The following TENM1 variants were observed in gnomAD, a reference collection of about 807,000 sequenced individuals.
The protein encoded by TENM1 is teneurin transmembrane protein 1.
TENM1 carries 35 observed loss-of-function variants against 174.8 expected under a neutral mutation model. The observed-to-expected ratio is 0.20, with a 90% CI of 0.15 to 0.27. The LOEUF (loss-of-function observed/expected upper bound fraction) is 0.27, where lower values mean the gene tolerates loss of function less well. TENM1 is among the 10% of genes least tolerant of loss of function. The pLI is 1.00. For synonymous variants in TENM1, 781 were observed against 798.7 expected, an observed-to-expected ratio of 0.98 and a Z score of 0.37; for missense variants, 1,633 against 2,130.1, an observed-to-expected ratio of 0.77 and a Z score of 4.59.
chrX:125,056,093 T>C, the TENM1 span, among the ~76,000 whole-genome samples: 1 of 110,694 alleles, frequency 9.0e-6, no homozygotes, highest in Non-Finnish European at 1.9e-5. Flanking sequence ...TTTGCGTATG[T>C]TGCAGAATGA....
the TENM1 span, among the ~76,000 whole-genome samples, chrX:125,192,000 C>A: frequency 9.1e-6 from 1 of 109,971 alleles, no homozygotes; most frequent in Non-Finnish European, 1.9e-5. Flanking sequence ...GTACTTCCCT[C>A]TGGAGGACAC....
intron 5 of TENM1, among the ~76,000 whole-genome samples, chrX:124,697,748 G>T (rs1467227145): frequency 9.0e-6 from 1 of 110,533 alleles, no homozygotes; most frequent in Non-Finnish European, 1.9e-5. Context: ...ATAGTATTTT[G>T]CAAAACCCAA....
At chrX:124,471,151 ATAT>A (rs1477833421) in intron 22 of TENM1, among the ~76,000 whole-genome samples, 1 of 82,259 alleles carries the variant, frequency 1.2e-5, no homozygotes, top group Non-Finnish European at 2.2e-5. Flanking sequence ...TATATAATAT[ATAT>A]TATGTCATAT....
chrX:124,774,298 A>C (rs1269601499), intron 3 of TENM1, among the ~76,000 whole-genome samples: 1 of 112,089 alleles, frequency 8.9e-6, no homozygotes, highest in Admixed American at 9.5e-5. Flanking sequence ...CAAATCAAGC[A>C]AGAATTCATG....
chrX:125,014,175 G>A, the TENM1 span, among the ~76,000 whole-genome samples: 18 of 112,362 alleles, frequency 1.6e-4, no homozygotes, highest in Non-Finnish European at 2.6e-4. Context: ...CCTCAATAGT[G>A]TAACGAGGCA....
the TENM1 span, among the ~76,000 whole-genome samples, chrX:125,037,158 A>G: frequency 9.0e-6 from 1 of 110,814 alleles, no homozygotes; most frequent in Non-Finnish European, 1.9e-5. Flanking sequence ...GTGAACACCT[A>G]CTATGTTAAA....
At chrX:125,012,009 A>C in the TENM1 span, among the ~76,000 whole-genome samples, 1 of 112,012 alleles carries the variant, frequency 8.9e-6, no homozygotes, top group African/African-American at 3.2e-5. Flanking sequence ...CAGCCAATAA[A>C]AAGAATGAGA....
chrX:124,487,339 C>A (rs749317403), intron 20 of TENM1, 110 bp from the exon 24 acceptor site: 20 of 709,325 alleles, frequency 2.8e-5, no homozygotes, highest in Non-Finnish European at 3.8e-5. Flanking sequence ...ACTCAGATTG[C>A]GGCATTTAGA....
intron 15 of TENM1, among the ~76,000 whole-genome samples, chrX:124,543,339 C>T (rs1172103904): frequency 8.9e-6 from 1 of 112,435 alleles, no homozygotes. Flanking sequence ...CTGATATGGA[C>T]ATCTGACACG....
intron 5 of TENM1, among the ~76,000 whole-genome samples, chrX:124,675,629 A>G (rs2052051954): frequency 9.4e-6 from 1 of 106,344 alleles, no homozygotes; most frequent in Admixed American, 1.0e-4. Context: ...CTGAGTTTAC[A>G]GCAGCAAAAA....
chrX:124,821,965 GATA>G (rs1262930300), intron 3 of TENM1, among the ~76,000 whole-genome samples: 1 of 111,693 alleles, frequency 9.0e-6, no homozygotes, highest in Non-Finnish European at 1.9e-5. Flanking sequence ...GTTCAAGAAT[GATA>G]ATAATAATAG....
At chrX:124,836,932 C>G (rs1412388534) in intron 3 of TENM1, among the ~76,000 whole-genome samples, 3 of 111,662 alleles carry the variant, frequency 2.7e-5, no homozygotes, top group Non-Finnish European at 5.6e-5. Context: ...GATTTGGACT[C>G]TTACACTACC....
At chrX:124,460,128 T>C (rs977453078) in intron 22 of TENM1, among the ~76,000 whole-genome samples, 2 of 111,939 alleles carry the variant, frequency 1.8e-5, no homozygotes, top group African/African-American at 6.5e-5. Context: ...ACACTGTTGG[T>C]AGGAGTGTAA....
the TENM1 span, among the ~76,000 whole-genome samples, chrX:125,182,178 C>G: frequency 9.1e-6 from 1 of 109,593 alleles, no homozygotes; most frequent in East Asian, 2.9e-4. Context: ...GGCTCATGGC[C>G]CCTTCCTCCA....
At chrX:125,004,221 G>A in the TENM1 span, among the ~76,000 whole-genome samples, 4 of 111,591 alleles carry the variant, frequency 3.6e-5, no homozygotes, top group African/African-American at 6.5e-5. Context: ...AACCCACTCC[G>A]AGCATTTCTG....
chrX:124,811,767 G>A (rs1161677722), intron 3 of TENM1, among the ~76,000 whole-genome samples: 1 of 111,302 alleles, frequency 9.0e-6, no homozygotes, highest in African/African-American at 3.3e-5. Context: ...ATCAACCTAA[G>A]CGTACACTAA....
At chrX:125,001,925 TCACACACACACACACACAC>T in the TENM1 span, among the ~76,000 whole-genome samples, 3 of 67,255 alleles carry the variant, frequency 4.5e-5, no homozygotes, top group South Asian at 2.0e-3. Context: ...TCTAGAGAGA[TCACACACACACACACACAC>T]ACACACACAC....
intron 11 of TENM1, among the ~76,000 whole-genome samples, chrX:124,597,728 A>G (rs1248411765): frequency 2.7e-5 from 3 of 111,599 alleles, no homozygotes; most frequent in Non-Finnish European, 5.7e-5. Context: ...CAAAGATCAA[A>G]TCAAAATGGA....
the TENM1 span, among the ~76,000 whole-genome samples, chrX:125,099,363 C>T: frequency 3.0e-4 from 34 of 112,295 alleles, no homozygotes; most frequent in South Asian, 3.7e-3. Context: ...GCACAGATTC[C>T]GTGGCAATTA....
Sources: gnomAD v4.1 joint callset for allele counts (sites outside exome capture counted in the v4.1 genomes callset) on GRCh38, gnomAD v4.1.1 for gene constraint, MANE v1.5 for transcripts, NCBI Gene and HGNC (gene_info 2026-07-23, HGNC 2026-07-21) for gene names.